Variants in PRKAR1B observed in about 807,000 individuals in gnomAD.
PRKAR1B encodes cAMP-dependent protein kinase type I-beta regulatory subunit.
A neutral mutation model predicts 46.5 loss-of-function variants in PRKAR1B; 22 were observed. The ratio of observed to expected loss-of-function variants is 0.47; its 90% CI spans 0.34 to 0.68. PRKAR1B has a LOEUF of 0.68. Among genes scored for constraint, PRKAR1B ranks in the 30% least tolerant of loss-of-function variants. The pLI, the probability that PRKAR1B is intolerant of heterozygous loss-of-function variation, is 0.01. For missense variants in PRKAR1B, 445 were observed against 535.6 expected (o/e 0.83, Z 1.67); for synonymous variants, 259 against 217.7 (o/e 1.19, Z -1.67).
intron 7 of PRKAR1B, among the ~76,000 whole-genome samples, chr7:590,476 G>A (rs1158143665): frequency 2.6e-5 from 4 of 152,208 alleles, no homozygotes; most frequent in South Asian, 2.1e-4. Context: ...GGGTGGGGGC[G>A]GGGCCCCGAG....
At chr7:642,490 C>A (rs1450732964) in intron 4 of PRKAR1B, among the ~76,000 whole-genome samples, 1 of 152,238 alleles carries the variant, frequency 6.6e-6, no homozygotes, top group Non-Finnish European at 1.5e-5. Context: ...CTTTGGGGGG[C>A]CGAGGCGGGC....
At chr7:616,327 A>G (rs1168995347) in intron 4 of PRKAR1B, among the ~76,000 whole-genome samples, 1 of 151,960 alleles carries the variant, frequency 6.6e-6, no homozygotes, top group African/African-American at 2.4e-5. Flanking sequence ...CAGATGGGGG[A>G]CCTTCCTTCC....
chr7:601,777 G>A (rs1781616430), intron 6 of PRKAR1B, among the ~76,000 whole-genome samples: 1 of 152,196 alleles, frequency 6.6e-6, no homozygotes, highest in Non-Finnish European at 1.5e-5. Context: ...GCCATCCCAC[G>A]TGAGCCTGTA....
chr7:591,083 G>T (rs748929445), intron 7 of PRKAR1B, among the ~76,000 whole-genome samples: 1 of 152,276 alleles, frequency 6.6e-6, no homozygotes, highest in Non-Finnish European at 1.5e-5. Context: ...GAATGCAAGC[G>T]TGTTTTGCCC....
intron 2 of PRKAR1B, among the ~76,000 whole-genome samples, chr7:699,496 G>A (rs1027284887): frequency 2.8e-4 from 42 of 152,084 alleles, no homozygotes; most frequent in Admixed American, 4.6e-4. Context: ...ACACTGTCAT[G>A]CTCACCAAGT....
At chr7:581,176 G>A (rs1206396667) in intron 8 of PRKAR1B, among the ~76,000 whole-genome samples, 6 of 151,992 alleles carry the variant, frequency 3.9e-5, no homozygotes, top group African/African-American at 1.2e-4. Flanking sequence ...GGTGGCGGGC[G>A]CCTGTAGTCC....
chr7:557,174 C>T (rs1778499797), intron 9 of PRKAR1B, among the ~76,000 whole-genome samples: 1 of 152,228 alleles, frequency 6.6e-6, no homozygotes, highest in Non-Finnish European at 1.5e-5. Context: ...CTCCCATCTC[C>T]ACCAGGATCA....
intron 4 of PRKAR1B, among the ~76,000 whole-genome samples, chr7:661,383 G>A (rs866081468): frequency 2.5e-3 from 154 of 61,554 alleles, no homozygotes; most frequent in Middle Eastern, 0.017. Context: ...CACCCCAACA[G>A]ATCCAAATAC....
intron 4 of PRKAR1B, among the ~76,000 whole-genome samples, chr7:672,546 T>C (rs927107963): frequency 4.0e-5 from 6 of 151,706 alleles, no homozygotes; most frequent in African/African-American, 1.5e-4. Flanking sequence ...AAAGAAAACG[T>C]TGGATGGTCT....
chr7:681,325 A>T, intron 2 of PRKAR1B, among the ~76,000 whole-genome samples: 1 of 141,396 alleles, frequency 7.1e-6, no homozygotes, highest in African/African-American at 2.7e-5. Flanking sequence ...TGTCTCTATA[A>T]AAAAAAAAAA....
chr7:705,306 TAA>T (rs1166269903), intron 2 of PRKAR1B, among the ~76,000 whole-genome samples: 36 of 109,172 alleles, frequency 3.3e-4, no homozygotes, highest in African/African-American at 8.8e-4. Context: ...CTGTCTCAAT[TAA>T]AAAAAAAAAA....
Position 726,850 on chromosome 7 carries a change from C to T in PRKAR1B, c.-23+360G>A. 4 of 1,320,878 alleles carry T rather than the reference C, an allele frequency of 3.0e-6. No homozygotes were observed. Among genetic ancestry groups the T allele is most frequent in the Non-Finnish European group, 3.9e-6 (4 of 1,038,308 alleles). The allele number at this position is 1,320,878 out of a possible 1,614,324, so 81.8% of individuals were successfully genotyped here. A position where few individuals can be genotyped will look rare whatever the true frequency, so the allele number is the denominator to read the frequency against. On this transcript the variant is annotated intron_variant, in intron 1 of 10. Coordinates refer to ENST00000537384, the MANE Select transcript of PRKAR1B (RefSeq NM_001164760.2). ...GCCGGGGCTGGAGGCCGACAGCAAGCCGGGCCGGCGGCGCGCCTTGGAGGC... is the reference window on the plus strand; with the variant it reads ...GCCGGGGCTGGAGGCCGACAGCAAGTCGGGCCGGCGGCGCGCCTTGGAGGC...
chr7:652,570 G>A (rs1324429970), intron 4 of PRKAR1B, among the ~76,000 whole-genome samples: 1 of 152,200 alleles, frequency 6.6e-6, no homozygotes, highest in Non-Finnish European at 1.5e-5. Flanking sequence ...TAGGAACCTG[G>A]GGAAACCCCT....
intron 4 of PRKAR1B, among the ~76,000 whole-genome samples, chr7:670,969 A>G (rs983978234): frequency 1.3e-5 from 2 of 152,248 alleles, no homozygotes; most frequent in African/African-American, 4.8e-5. Flanking sequence ...GCCCATCTTC[A>G]GCCAGAGCTT....
At chr7:646,870 CA>C (rs1022138546) in intron 4 of PRKAR1B, among the ~76,000 whole-genome samples, 16 of 152,190 alleles carry the variant, frequency 1.1e-4, no homozygotes, top group African/African-American at 3.9e-4. Flanking sequence ...CCAAAAAGGC[CA>C]TTAGCTGAGC....
At chr7:556,285 G>A (rs141334653) in intron 9 of PRKAR1B, among the ~76,000 whole-genome samples, 8,712 of 151,650 alleles carry the variant, frequency 0.057, 746 homozygotes, top group African/African-American at 0.19. Flanking sequence ...TCTGGAAACC[G>A]ACCCCTCAGA....
At chr7:631,005 T>C (rs887952831) in intron 4 of PRKAR1B, among the ~76,000 whole-genome samples, 1 of 149,672 alleles carries the variant, frequency 6.7e-6, no homozygotes, top group Non-Finnish European at 1.5e-5. Flanking sequence ...CAGGCTGGAG[T>C]GCAGTGGCAC....
Position 666,269 on chromosome 7 carries a change from C to T in PRKAR1B, c.440+10960G>A, listed in dbSNP as rs565738572. Among the ~76,000 whole-genome samples, 11 of 128,082 alleles carry T rather than the reference C, an allele frequency of 8.6e-5. No individual in the cohort carries two copies. The highest frequency in any genetic ancestry group is 1.4e-4 in the African/African-American group (3 of 21,590). 84.0% of individuals were successfully genotyped at this position (128,082 alleles called of 152,430 possible). A position where few individuals can be genotyped will look rare whatever the true frequency, so the allele number is the denominator to read the frequency against. On this transcript the variant is annotated intron_variant, in intron 4 of 10. Coordinates refer to ENST00000537384, the MANE Select transcript of PRKAR1B (RefSeq NM_001164760.2). This position sits in a 1 kb window ranked among gnomAD's most constrained non-coding sequence, Gnocchi z 4.9. Reference sequence around the variant, plus strand: ...TTCATGGTCCTGGCACATCAGAGAGCTCCGGAACATGCGGGGCTGCTTCCC... The same window carrying T: ...TTCATGGTCCTGGCACATCAGAGAGTTCCGGAACATGCGGGGCTGCTTCCC...
intron 9 of PRKAR1B, among the ~76,000 whole-genome samples, chr7:555,630 C>A (rs1420875493): frequency 1.3e-5 from 2 of 152,196 alleles, no homozygotes; most frequent in African/African-American, 4.8e-5. Flanking sequence ...GCTGCTGCAC[C>A]CCAGACCTTC....
Sources: gnomAD v4.1 joint callset for allele counts (sites outside exome capture counted in the v4.1 genomes callset) on GRCh38, gnomAD v4.1.1 for gene constraint, Gnocchi (gnomAD v3.1) non-coding constraint, MANE v1.5 for transcripts, NCBI Gene and HGNC (gene_info 2026-07-23, HGNC 2026-07-21) for gene names.